BRWD1: variants seen among roughly 807,000 people sequenced by gnomAD.
The protein encoded by BRWD1 is bromodomain and WD repeat-containing protein 1.
In BRWD1, 82 loss-of-function variants were observed where a neutral mutation model predicts 251.2. That is an observed-to-expected ratio of 0.33 (90% CI 0.27 to 0.39). BRWD1 has a LOEUF of 0.39. BRWD1 is among the 10% of genes least tolerant of loss of function. The pLI, the probability that BRWD1 is intolerant of heterozygous loss-of-function variation, is 1.00. For synonymous variants in BRWD1, 918 were observed against 902.8 expected (o/e 1.02, Z -0.30); for missense variants, 2,233 against 2,711.6 (o/e 0.82, Z 3.92).
At chr21:39,239,314 T>C (rs2033913957) in intron 21 of BRWD1, among the ~76,000 whole-genome samples, 1 of 152,142 alleles carries the variant, frequency 6.6e-6, no homozygotes. Flanking sequence ...TTATGGTTTT[T>C]TTGTTTTACA....
Position 39,312,825 on chromosome 21 carries a change from C to T in BRWD1, c.198+16G>A. On this transcript the variant is annotated intron_variant, in intron 4 of 40. Coordinates refer to ENST00000342449, the MANE Select transcript of BRWD1 (RefSeq NM_033656.4). ...GTGCACGGAAAACCCGGGGAGCAAA[C>T]GTGCCCAATGCTCACCAACTCCTCG... 1 of 1,585,454 alleles carries T rather than the reference C, an allele frequency of 6.3e-7. No homozygotes were observed. Among genetic ancestry groups the T allele is most frequent in the Non-Finnish European group, 8.6e-7 (1 of 1,166,396 alleles).
intron 35 of BRWD1, 70 bp from the exon 36 acceptor site, chr21:39,210,217 C>T (rs915632608): frequency 1.5e-6 from 2 of 1,300,778 alleles, no homozygotes; most frequent in African/African-American, 3.0e-5. Flanking sequence ...TGCATCAGAT[C>T]TCTAAAAAAT....
rs2031608096 is a variant in BRWD1, at chr21:39,192,578, T to C, written c.*3681A>G. 1.0e-6 allele frequency: 1 copy of C among 983,980 alleles called. No individual in the cohort carries two copies. The allele number at this position is 983,980 out of a possible 1,614,324, so 61.0% of individuals were successfully genotyped here. A position where few individuals can be genotyped will look rare whatever the true frequency, so the allele number is the denominator to read the frequency against. ...ATTGAACTATAATTTCCATACAACA[T>C]AAGAAAACTACAGTATTTGGTGACA... On this transcript the variant is annotated 3_prime_UTR_variant, in exon 41 of 41. Coordinates refer to ENST00000342449, the MANE Select transcript of BRWD1 (RefSeq NM_033656.4).
At chr21:39,185,295 T>TAAAAAAAAAAAAAAAAAAAAAAAAA (rs10525862), downstream of BRWD1, 20 of 71,818 alleles carry the variant, frequency 2.8e-4, 2 homozygotes, top group Non-Finnish European at 4.4e-4. Flanking sequence ...CTGAAATTGC[T>TAAAAAAAAAAAAAAAAAAAAAAAAA]AAAAAAAAAA....
intron 25 of BRWD1, among the ~76,000 whole-genome samples, 191 bp from the exon 26 acceptor site, chr21:39,229,627 A>G (rs529462636): frequency 6.6e-6 from 1 of 152,356 alleles, no homozygotes; most frequent in South Asian, 2.1e-4. Flanking sequence ...TTTCTAATAC[A>G]AAGAACATCC....
intron 4 of BRWD1, among the ~76,000 whole-genome samples, chr21:39,301,978 G>GTTTTTTTT (rs750413248): frequency 2.3e-4 from 18 of 79,868 alleles, no homozygotes; most frequent in Non-Finnish European, 2.8e-4. Flanking sequence ...AGCTTTGTGT[G>GTTTTTTTT]TTTTTTTTTT....
rs114785279 is a variant in BRWD1, at chr21:39,245,533, C to A, written c.2481+2168G>T. Among the ~76,000 whole-genome samples the A allele has an allele frequency of 4.8e-3, 728 of 151,940 alleles. 6 individuals are homozygous for A. Among genetic ancestry groups the A allele is most frequent in the African/African-American group, 0.015 (606 of 41,442 alleles). ...ATGAACTTTTCAGTCATATCTAATA[C>A]TTCATTCCTCAAAACATTACTCAGT... On this transcript the variant is annotated intron_variant, in intron 21 of 40. Transcript: ENST00000342449.
At chr21:39,297,566 G>C (rs1485545925) in intron 5 of BRWD1, 1 of 309,724 alleles carries the variant, frequency 3.2e-6, no homozygotes, top group African/African-American at 2.3e-5. Flanking sequence ...GGACACAGAA[G>C]AGGAAGAATA....
chr21:39,296,171 T>G, intron 6 of BRWD1, 94 bp downstream of exon 6: 1 of 993,004 alleles, frequency 1.0e-6, no homozygotes, highest in Non-Finnish European at 1.4e-6. Flanking sequence ...TTTCAACCAG[T>G]ATTTCCTTTT....
intron 15 of BRWD1, among the ~76,000 whole-genome samples, chr21:39,268,857 G>A (rs972244418): frequency 2.0e-5 from 3 of 152,066 alleles, no homozygotes; most frequent in Non-Finnish European, 2.9e-5. Context: ...GTTTGGTGGC[G>A]GGTGCCTGTA....
At chr21:39,298,278 C>T in intron 5 of BRWD1, 154 bp downstream of exon 5, 1 of 1,300,410 alleles carries the variant, frequency 7.7e-7, no homozygotes, top group Non-Finnish European at 9.8e-7. Context: ...TAATAAAATT[C>T]AATGTTCTAT....
At chr21:39,295,935 G>A in intron 6 of BRWD1, 32 bp from the exon 7 acceptor site, 4 of 1,501,780 alleles carry the variant, frequency 2.7e-6, no homozygotes, top group Non-Finnish European at 3.6e-6. Context: ...AATGGTTAAG[G>A]GAGAGCCAAT....
At chr21:39,312,141 C>T (rs946352290) in intron 4 of BRWD1, among the ~76,000 whole-genome samples, 8 of 152,146 alleles carry the variant, frequency 5.3e-5, no homozygotes, top group Non-Finnish European at 8.8e-5. Flanking sequence ...GAAACATTAA[C>T]CAAGTTCACA....
upstream of BRWD1, chr21:39,314,497 G>GCC: frequency 2.7e-6 from 1 of 367,276 alleles, no homozygotes; most frequent in South Asian, 2.0e-5. Context: ...CCGGAAACTA[G>GCC]GGAGTCATGT....
chr21:39,207,033 T>G (rs2032425171), intron 36 of BRWD1, among the ~76,000 whole-genome samples: 1 of 152,224 alleles, frequency 6.6e-6, no homozygotes. Context: ...TATACGAATT[T>G]CTTACATGCT....
At chr21:39,257,750 G>A (rs2034606484) in intron 18 of BRWD1, among the ~76,000 whole-genome samples, 1 of 151,936 alleles carries the variant, frequency 6.6e-6, no homozygotes, top group South Asian at 2.1e-4. Context: ...AAGATATAAA[G>A]TGTCACAAGT....
rs553428549 is a variant in BRWD1 at position 39,255,293 on chromosome 21, G to T, written c.2255+352C>A. Among the ~76,000 whole-genome samples the T allele has an allele frequency of 3.0e-3, 462 of 151,656 alleles. 2 individuals are homozygous for T. The highest frequency in any genetic ancestry group is 0.011 in the African/African-American group (443 of 41,386). On this transcript the variant is annotated intron_variant, in intron 19 of 40. Coordinates refer to ENST00000342449, the MANE Select transcript of BRWD1 (RefSeq NM_033656.4). ...TGGGTGTGGTGGCGGGCGCCTGTAA[G>T]CCCAGCTACTCAGGAGGCTGAGGCA...
At position 39,193,513 on chromosome 21, in the gene BRWD1, C is replaced by T. The variant is rs1251883196; in HGVS notation, c.*2746G>A. The stretch of plus-strand genomic sequence containing the variant: ...ATATGCTTGGTAAAGTGAGTCTTTC[C>T]AAGAAAGCAAAAATCAAATCTGAGT... On this transcript the variant is annotated 3_prime_UTR_variant, in exon 41 of 41. Coordinates refer to ENST00000342449, the MANE Select transcript of BRWD1 (RefSeq NM_033656.4). The T allele has an allele frequency of 1.0e-6, 1 of 985,014 alleles. No individual in the cohort carries two copies. Among genetic ancestry groups the T allele is most frequent in the Admixed American group, 6.2e-5 (1 of 16,198 alleles). 61.0% of individuals were successfully genotyped at this position (985,014 alleles called of 1,614,324 possible). A position where few individuals can be genotyped will look rare whatever the true frequency, so the allele number is the denominator to read the frequency against.
At position 39,194,619 on chromosome 21, in the gene BRWD1, G is replaced by GT. The variant is rs2031716794; in HGVS notation, c.*1639dup. ...CCATGCATCAGAGTAGAAAGAAAATGTACCTTCTACTATGTCAAATGGAAT... is the reference window on the plus strand; with the variant it reads ...CCATGCATCAGAGTAGAAAGAAAATGTTACCTTCTACTATGTCAAATGGAAT... On this transcript the variant is annotated 3_prime_UTR_variant, in exon 41 of 41. Coordinates refer to ENST00000342449, the MANE Select transcript of BRWD1 (RefSeq NM_033656.4). 1.3e-5 allele frequency: 20 copies of GT among 1,518,380 alleles called. No individual in the cohort carries two copies. The highest frequency in any genetic ancestry group is 1.7e-4 in the Middle Eastern group (1 of 5,864). 94.1% of individuals were successfully genotyped at this position (1,518,380 alleles called of 1,614,324 possible).
Sources: allele counts gnomAD v4.1 joint callset (sites outside exome capture counted in the v4.1 genomes callset), GRCh38; gene constraint gnomAD v4.1.1; transcripts MANE v1.5; gene names NCBI Gene and HGNC (gene_info 2026-07-23, HGNC 2026-07-21).